Variants in LGSN observed in about 807,000 individuals in gnomAD.
LGSN encodes lengsin, lens protein with glutamine synthetase domain.
In LGSN, 21 loss-of-function variants were observed where a neutral mutation model predicts 19.5. The ratio of observed to expected loss-of-function variants is 1.07; its 90% CI spans 0.76 to 1.55. The LOEUF (loss-of-function observed/expected upper bound fraction) is 1.55. Ranked by LOEUF, LGSN falls within the 40% of genes most tolerant of loss-of-function variation. LGSN has a pLI of 0.00. For synonymous variants in LGSN, 257 were observed against 215.6 expected (o/e 1.19, Z -1.68); for missense variants, 673 against 608.5 (o/e 1.11, Z -1.12).
chr6:63,556,456 C>G, the LGSN span, among the ~76,000 whole-genome samples: 1 of 152,084 alleles, frequency 6.6e-6, no homozygotes, highest in Non-Finnish European at 1.5e-5. Flanking sequence ...GCTGGGATTA[C>G]AGGCATGAGC....
chr6:63,362,745 G>A, the LGSN span, among the ~76,000 whole-genome samples: 5 of 152,242 alleles, frequency 3.3e-5, no homozygotes, highest in East Asian at 3.9e-4. Flanking sequence ...AGGCCTGCCT[G>A]CCTCTGTAGA....
chr6:63,315,601 G>A (rs985666355), intron 1 of LGSN, among the ~76,000 whole-genome samples: 16 of 122,808 alleles, frequency 1.3e-4, no homozygotes, highest in African/African-American at 4.2e-4. Flanking sequence ...TAGCTAAAAT[G>A]TTCTCTCTCT....
the LGSN span, among the ~76,000 whole-genome samples, chr6:63,329,938 GGA>G: frequency 2.0e-5 from 3 of 152,238 alleles, no homozygotes; most frequent in Non-Finnish European, 4.4e-5. Context: ...ATCCAGGACA[GGA>G]GATTAACACT....
the LGSN span, among the ~76,000 whole-genome samples, chr6:63,418,207 T>C: frequency 2.4e-4 from 36 of 152,194 alleles, no homozygotes; most frequent in African/African-American, 8.2e-4. Context: ...TCTGGAATTA[T>C]GTAGTAGACA....
chr6:63,494,475 G>C, the LGSN span, among the ~76,000 whole-genome samples: 2 of 152,114 alleles, frequency 1.3e-5, no homozygotes, highest in Non-Finnish European at 2.9e-5. Context: ...AAGAATATGT[G>C]TCTCTATAAT....
At chr6:63,282,308 ACT>A (rs1426136021) in intron 3 of LGSN, among the ~76,000 whole-genome samples, 3 of 152,118 alleles carry the variant, frequency 2.0e-5, no homozygotes, top group Non-Finnish European at 2.9e-5. Context: ...TTAATAAAAC[ACT>A]CTAACAATCT....
chr6:63,479,121 A>G, the LGSN span, among the ~76,000 whole-genome samples: 5 of 152,326 alleles, frequency 3.3e-5, no homozygotes, highest in African/African-American at 9.6e-5. Flanking sequence ...TGGTTAGATT[A>G]GACAACCCAG....
chr6:63,416,795 T>G, the LGSN span, among the ~76,000 whole-genome samples: 1 of 152,020 alleles, frequency 6.6e-6, no homozygotes, highest in Admixed American at 6.6e-5. Context: ...CTTGAATTCC[T>G]GACCTCAAGT....
At chr6:63,494,713 G>A in the LGSN span, among the ~76,000 whole-genome samples, 3 of 152,270 alleles carry the variant, frequency 2.0e-5, no homozygotes, top group East Asian at 1.9e-4. Flanking sequence ...CCTCCCCCAT[G>A]AACCCAGCTG....
chr6:63,401,290 C>T, the LGSN span, among the ~76,000 whole-genome samples: 1 of 151,028 alleles, frequency 6.6e-6, no homozygotes, highest in African/African-American at 2.4e-5. Flanking sequence ...ATCCCAGCTA[C>T]TTGGGAGGCT....
At chr6:63,423,461 C>T in the LGSN span, among the ~76,000 whole-genome samples, 1 of 149,856 alleles carries the variant, frequency 6.7e-6, no homozygotes, top group Non-Finnish European at 1.5e-5. Context: ...CATGGCAAAA[C>T]TCTGTCTCTA....
At chr6:63,314,742 A>G (rs1201529821) in intron 1 of LGSN, among the ~76,000 whole-genome samples, 1 of 152,202 alleles carries the variant, frequency 6.6e-6, no homozygotes, top group African/African-American at 2.4e-5. Flanking sequence ...AATATGGAAG[A>G]CTAAAGGCTT....
chr6:63,405,347 T>C, the LGSN span, among the ~76,000 whole-genome samples: 30 of 152,246 alleles, frequency 2.0e-4, no homozygotes, highest in Admixed American at 1.5e-3. Context: ...GGTCAACTGG[T>C]ATTTCTAGTT....
chr6:63,468,994 C>T, the LGSN span, among the ~76,000 whole-genome samples: 1 of 152,108 alleles, frequency 6.6e-6, no homozygotes, highest in Non-Finnish European at 1.5e-5. Flanking sequence ...GTGATCCACC[C>T]ACCTCAGCCT....
chr6:63,490,466 C>G, the LGSN span, among the ~76,000 whole-genome samples: 2 of 152,168 alleles, frequency 1.3e-5, no homozygotes, highest in Non-Finnish European at 2.9e-5. Flanking sequence ...CTTAACCTTA[C>G]CCTAACCAGA....
At chr6:63,507,254 C>G in the LGSN span, among the ~76,000 whole-genome samples, 1 of 152,106 alleles carries the variant, frequency 6.6e-6, no homozygotes, top group Non-Finnish European at 1.5e-5. Flanking sequence ...GTAAACTGGG[C>G]CAAGTTATTT....
the LGSN span, among the ~76,000 whole-genome samples, chr6:63,569,906 A>G: frequency 6.6e-6 from 1 of 152,232 alleles, no homozygotes; most frequent in Non-Finnish European, 1.5e-5. Context: ...CTCAAATCAC[A>G]GAAGTCTCCT....
chr6:63,495,093 CTAGA>C, the LGSN span, among the ~76,000 whole-genome samples: 1 of 152,010 alleles, frequency 6.6e-6, no homozygotes, highest in Non-Finnish European at 1.5e-5. Flanking sequence ...CAGCACTGTA[CTAGA>C]TACTCTATAA....
the LGSN span, among the ~76,000 whole-genome samples, chr6:63,369,845 T>C: frequency 1.3e-5 from 2 of 152,008 alleles, no homozygotes; most frequent in Non-Finnish European, 2.9e-5. Context: ...TCTACTAAAA[T>C]ACAAAAAATT....
Sources: allele counts gnomAD v4.1 joint callset (sites outside exome capture counted in the v4.1 genomes callset), GRCh38; gene constraint gnomAD v4.1.1; transcripts MANE v1.5; gene names NCBI Gene and HGNC (gene_info 2026-07-23, HGNC 2026-07-21).